The following MACROD2 variants were observed in gnomAD, a reference collection of about 807,000 sequenced individuals.
The protein encoded by MACROD2 is mono-ADP ribosylhydrolase 2.
In MACROD2, 36 loss-of-function variants were observed where a neutral mutation model predicts 70.4. That is an observed-to-expected ratio of 0.51 (90% CI 0.39 to 0.68). The LOEUF is 0.68. Ranked by LOEUF, MACROD2 falls within the 30% of genes least tolerant of loss-of-function variation. The probability of loss-of-function intolerance (pLI) is 0.00; values close to 1 mark genes in which losing one functional copy is unlikely to be tolerated. For missense variants in MACROD2, 496 were observed against 538.4 expected (o/e 0.92, Z 0.78); for synonymous variants, 172 against 178.8 (o/e 0.96, Z 0.30).
At chr20:15,051,553 T>A (rs1419068216) in intron 5 of MACROD2, among the ~76,000 whole-genome samples, 1 of 152,108 alleles carries the variant, frequency 6.6e-6, no homozygotes, top group Admixed American at 6.5e-5. Context: ...TCAGTTTTGC[T>A]CTTAAAGCCT....
chr20:14,482,712 A>G (rs1265725430), intron 3 of MACROD2, among the ~76,000 whole-genome samples: 2 of 152,240 alleles, frequency 1.3e-5, no homozygotes, highest in Admixed American at 6.5e-5. Flanking sequence ...TATTGTAAGT[A>G]GAACTGGCAC....
intron 4 of MACROD2, among the ~76,000 whole-genome samples, chr20:14,678,829 C>A (rs985945718): frequency 6.6e-6 from 1 of 152,124 alleles, no homozygotes; most frequent in Non-Finnish European, 1.5e-5. Context: ...TGAATTATAA[C>A]ACTTCTAATA....
chr20:15,689,938 G>T (rs1322887919), intron 8 of MACROD2, among the ~76,000 whole-genome samples: 1 of 152,174 alleles, frequency 6.6e-6, no homozygotes, highest in Admixed American at 6.5e-5. Flanking sequence ...CCAACCAAAG[G>T]CACAGCCCCT....
At chr20:14,842,188 CTTTTA>C (rs2073094823) in intron 5 of MACROD2, among the ~76,000 whole-genome samples, 1 of 152,070 alleles carries the variant, frequency 6.6e-6, no homozygotes, top group African/African-American at 2.4e-5. Context: ...TAACTCCCTT[CTTTTA>C]TAACTGTCCC....
chr20:14,508,474 GA>G (rs1249810946), intron 4 of MACROD2, among the ~76,000 whole-genome samples: 1 of 152,014 alleles, frequency 6.6e-6, no homozygotes, highest in Non-Finnish European at 1.5e-5. Flanking sequence ...AAAAATCACT[GA>G]ACAATCAAAA....
At chr20:14,390,578 G>T (rs1235955719) in intron 3 of MACROD2, among the ~76,000 whole-genome samples, 1 of 152,132 alleles carries the variant, frequency 6.6e-6, no homozygotes, top group Non-Finnish European at 1.5e-5. Flanking sequence ...AGAGAACCCA[G>T]AGATAAGACC....
At chr20:15,092,515 G>GT (rs1450459213) in intron 5 of MACROD2, among the ~76,000 whole-genome samples, 5 of 149,896 alleles carry the variant, frequency 3.3e-5, no homozygotes, top group South Asian at 2.1e-4. Flanking sequence ...AGCTTCTTAG[G>GT]TTTTTTTTAT....
chr20:15,308,952 T>C (rs914492471), intron 6 of MACROD2, among the ~76,000 whole-genome samples: 1 of 152,180 alleles, frequency 6.6e-6, no homozygotes, highest in Non-Finnish European at 1.5e-5. Context: ...ACAATCATTC[T>C]TTAACTCATG....
intron 6 of MACROD2, among the ~76,000 whole-genome samples, 170 bp from the exon 7 acceptor site, chr20:15,431,235 T>A (rs1314489069): frequency 1.3e-5 from 2 of 152,048 alleles, no homozygotes; most frequent in Admixed American, 6.6e-5. Flanking sequence ...TAGGGAACAG[T>A]TACCAGTTAA....
At chr20:14,737,994 A>G (rs16994863) in intron 5 of MACROD2, among the ~76,000 whole-genome samples, 3,352 of 151,966 alleles carry the variant, frequency 0.022, 130 homozygotes, top group African/African-American at 0.076. Context: ...CACAGTCCTC[A>G]TTGGTTTTGT....
At chr20:15,403,130 C>A (rs137955559) in intron 6 of MACROD2, among the ~76,000 whole-genome samples, 1,758 of 152,086 alleles carry the variant, frequency 0.012, 44 homozygotes, top group African/African-American at 0.041. Context: ...CCACACCCAG[C>A]TAATTTTTTG....
At chr20:14,644,516 G>A (rs186581386) in intron 4 of MACROD2, among the ~76,000 whole-genome samples, 65 of 151,890 alleles carry the variant, frequency 4.3e-4, no homozygotes, top group African/African-American at 1.5e-3. Context: ...TAGTTTTTTT[G>A]TCCCACTGTC....
intron 4 of MACROD2, among the ~76,000 whole-genome samples, chr20:14,544,677 C>T (rs1335347545): frequency 6.6e-6 from 1 of 151,972 alleles, no homozygotes; most frequent in African/African-American, 2.4e-5. Flanking sequence ...TCTCAAGGAA[C>T]ACTGATAGGG....
intron 6 of MACROD2, among the ~76,000 whole-genome samples, chr20:15,234,209 T>A (rs768196809): frequency 4.1e-5 from 6 of 145,512 alleles, no homozygotes; most frequent in Middle Eastern, 3.4e-3. Flanking sequence ...TTTTTTTGTA[T>A]TTTTAGTAGA....
intron 6 of MACROD2, among the ~76,000 whole-genome samples, chr20:15,320,794 A>G (rs546959340): frequency 1.4e-4 from 21 of 152,226 alleles, no homozygotes; most frequent in African/African-American, 4.1e-4. Flanking sequence ...AAGACATGGT[A>G]GATCTCTTAT....
intron 3 of MACROD2, among the ~76,000 whole-genome samples, chr20:14,248,089 C>T (rs1010387394): frequency 2.8e-5 from 4 of 144,012 alleles, no homozygotes; most frequent in African/African-American, 1.0e-4. Flanking sequence ...TAATGATACG[C>T]CATATTTTTT....
chr20:14,108,096 C>T (rs984843160), intron 3 of MACROD2, among the ~76,000 whole-genome samples: 5 of 151,548 alleles, frequency 3.3e-5, no homozygotes, highest in African/African-American at 9.7e-5. Flanking sequence ...CAAAGAGGAA[C>T]AACAAAAAGT....
At chr20:14,539,167 A>G (rs1185397887) in intron 4 of MACROD2, among the ~76,000 whole-genome samples, 2 of 152,178 alleles carry the variant, frequency 1.3e-5, no homozygotes, top group Non-Finnish European at 2.9e-5. Flanking sequence ...TCTGTTCAAA[A>G]TTATCTCAAT....
intron 7 of MACROD2, among the ~76,000 whole-genome samples, chr20:15,481,195 A>G (rs2047092305): frequency 6.6e-6 from 1 of 152,252 alleles, no homozygotes; most frequent in African/African-American, 2.4e-5. Flanking sequence ...AAACAAAAAT[A>G]GAAGATGCCA....
Sources: allele counts gnomAD v4.1 joint callset (sites outside exome capture counted in the v4.1 genomes callset), GRCh38; gene constraint gnomAD v4.1.1; transcripts MANE v1.5; gene names NCBI Gene and HGNC (gene_info 2026-07-23, HGNC 2026-07-21).